The following EXOC2 variants were observed in gnomAD, a reference collection of about 807,000 sequenced individuals.
EXOC2 encodes SEC5-like 1.
EXOC2 carries 70 observed loss-of-function variants against 131.8 expected under a neutral mutation model. That is an observed-to-expected ratio of 0.53 (90% CI 0.44 to 0.65). The LOEUF (loss-of-function observed/expected upper bound fraction) is 0.65. EXOC2 is among the 30% of genes least tolerant of loss of function. The pLI is 0.00. For missense variants in EXOC2, 923 were observed against 1,108.6 expected (o/e 0.83, Z 2.38); for synonymous variants, 411 against 398.4 (o/e 1.03, Z -0.38).
At chr6:573,954 G>T (rs1303173428) in intron 12 of EXOC2, among the ~76,000 whole-genome samples, 1 of 152,064 alleles carries the variant, frequency 6.6e-6, no homozygotes, top group Non-Finnish European at 1.5e-5. Flanking sequence ...CACGTTTTTG[G>T]TTTTTACACA....
intron 4 of EXOC2, among the ~76,000 whole-genome samples, chr6:629,322 G>GA (rs1390494928): frequency 3.3e-5 from 5 of 152,148 alleles, no homozygotes; most frequent in South Asian, 4.1e-4. Flanking sequence ...TAGGAATTCA[G>GA]AAAAAAACTC....
intron 23 of EXOC2, 44 bp downstream of exon 23, chr6:532,425 A>G: frequency 2.1e-6 from 3 of 1,431,462 alleles, no homozygotes; most frequent in Non-Finnish European, 1.8e-6. Context: ...ATCAATTGAT[A>G]AAAGTATATC....
At chr6:502,638 T>A (rs946096385) in intron 23 of EXOC2, among the ~76,000 whole-genome samples, 9 of 151,990 alleles carry the variant, frequency 5.9e-5, no homozygotes, top group African/African-American at 2.2e-4. Flanking sequence ...CAGGACCCTT[T>A]GAACCAAAAG....
At chr6:554,693 C>A (rs1192420215) in intron 20 of EXOC2, among the ~76,000 whole-genome samples, 1 of 151,166 alleles carries the variant, frequency 6.6e-6, no homozygotes, top group African/African-American at 2.4e-5. Context: ...AGAAGTTACA[C>A]ATGCCAAGTA....
At chr6:676,069 C>T (rs1321683833) in intron 1 of EXOC2, among the ~76,000 whole-genome samples, 1 of 92,548 alleles carries the variant, frequency 1.1e-5, no homozygotes, top group Non-Finnish European at 2.3e-5. Context: ...AGGACAGGTT[C>T]CTCTGGCGAC....
intron 16 of EXOC2, among the ~76,000 whole-genome samples, chr6:563,172 A>G (rs1274976448): frequency 1.3e-5 from 2 of 152,254 alleles, no homozygotes; most frequent in African/African-American, 4.8e-5. Context: ...TGTACAAAAT[A>G]AGTCATACAG....
At chr6:495,131 T>C (rs1763639915) in intron 25 of EXOC2, among the ~76,000 whole-genome samples, 1 of 149,124 alleles carries the variant, frequency 6.7e-6, no homozygotes, top group South Asian at 2.1e-4. Flanking sequence ...AACATTCTTT[T>C]TTTTTTTTTT....
At chr6:501,914 T>C (rs1463684608) in intron 23 of EXOC2, among the ~76,000 whole-genome samples, 1 of 151,724 alleles carries the variant, frequency 6.6e-6, no homozygotes, top group Non-Finnish European at 1.5e-5. Context: ...GAGCCTGTTG[T>C]AAGTGAAAGT....
chr6:564,797 A>T, intron 14 of EXOC2, 67 bp downstream of exon 14: 1 of 1,583,984 alleles, frequency 6.3e-7, no homozygotes, highest in Non-Finnish European at 8.6e-7. Context: ...GGATGTCTTG[A>T]ATACAAAGTG....
In EXOC2 at chr6:649,791, T is replaced by C. The variant is rs143998729; in HGVS notation, c.-43-11930A>G. On this transcript the variant is annotated intron_variant, in intron 1 of 27. Transcript: ENST00000230449. The stretch of plus-strand genomic sequence containing the variant: ...AGTTTAGCTTTCAGCAAATGGTATC[T>C]AGTGGGACAATAAATTCTGGATATA... 7.7e-3 allele frequency among the ~76,000 whole-genome samples: 1,179 copies of C among 152,344 alleles called. 19 individuals carry two copies. The highest frequency in any genetic ancestry group is 0.026 in the African/African-American group (1,093 of 41,580).
chr6:488,199 TCCC>T (rs941997978), intron 27 of EXOC2, among the ~76,000 whole-genome samples: 1 of 151,790 alleles, frequency 6.6e-6, no homozygotes. Flanking sequence ...ATGTGACAGC[TCCC>T]CCCCATGGCC....
chr6:558,582 C>T (rs1367596073), intron 17 of EXOC2, among the ~76,000 whole-genome samples: 5 of 152,066 alleles, frequency 3.3e-5, no homozygotes, highest in African/African-American at 7.2e-5. Flanking sequence ...GAGGCTGAGG[C>T]GGGTGGATTG....
intron 1 of EXOC2, among the ~76,000 whole-genome samples, chr6:673,252 C>CAAAAAAAAAAAAAAAAAAA (rs56189394): frequency 6.4e-4 from 41 of 64,258 alleles, no homozygotes; most frequent in African/African-American, 1.1e-3. Flanking sequence ...ACTCCATAGC[C>CAAAAAAAAAAAAAAAAAAA]AAAAAAAAAA....
At chr6:523,085 C>G (rs1765563124) in intron 23 of EXOC2, among the ~76,000 whole-genome samples, 1 of 152,190 alleles carries the variant, frequency 6.6e-6, no homozygotes, top group Non-Finnish European at 1.5e-5. Context: ...AAAAAAAAAT[C>G]TGTTCTGACA....
At chr6:644,499 G>A (rs1762493013) in intron 1 of EXOC2, among the ~76,000 whole-genome samples, 1 of 152,154 alleles carries the variant, frequency 6.6e-6, no homozygotes, top group East Asian at 1.9e-4. Flanking sequence ...AGAAGTTCTA[G>A]CAGTGCAATA....
intron 6 of EXOC2, among the ~76,000 whole-genome samples, chr6:612,494 A>T (rs546054814): frequency 1.5e-3 from 227 of 152,364 alleles, no homozygotes; most frequent in African/African-American, 5.3e-3. Flanking sequence ...TATAAATTAT[A>T]TTTAAACTGG....
intron 1 of EXOC2, among the ~76,000 whole-genome samples, chr6:679,811 G>GA (rs1764318882): frequency 6.6e-6 from 1 of 152,176 alleles, no homozygotes; most frequent in Admixed American, 6.5e-5. Context: ...TAGCGAAATA[G>GA]AAAGACATAC....
At chr6:593,791 C>G (rs765717218) in intron 10 of EXOC2, among the ~76,000 whole-genome samples, 3 of 152,330 alleles carry the variant, frequency 2.0e-5, no homozygotes, top group Non-Finnish European at 4.4e-5. Flanking sequence ...CTCAATCCCT[C>G]AGGGGTGCAC....
At chr6:528,564 G>A (rs563804097) in intron 23 of EXOC2, among the ~76,000 whole-genome samples, 1 of 152,142 alleles carries the variant, frequency 6.6e-6, no homozygotes, top group African/African-American at 2.4e-5. Flanking sequence ...ACTTCTACAT[G>A]TTTTTGGAAT....
Sources: gnomAD v4.1 joint callset for allele counts (sites outside exome capture counted in the v4.1 genomes callset) on GRCh38, gnomAD v4.1.1 for gene constraint, MANE v1.5 for transcripts, NCBI Gene and HGNC (gene_info 2026-07-23, HGNC 2026-07-21) for gene names.